The following NEO1 variants were observed in gnomAD, a reference collection of about 807,000 sequenced individuals.
NEO1 encodes the protein neogenin.
In NEO1, 63 loss-of-function variants were observed where a neutral mutation model predicts 159.7. That is an observed-to-expected ratio of 0.39 (90% confidence interval 0.32 to 0.49). The LOEUF is 0.49. Ranked by LOEUF, NEO1 falls within the 20% of genes least tolerant of loss-of-function variation. The pLI, the probability that NEO1 is intolerant of heterozygous loss-of-function variation, is 0.85. For synonymous variants in NEO1, 633 were observed against 662.0 expected (o/e 0.96, Z 0.67); for missense variants, 1,615 against 1,831.0 (o/e 0.88, Z 2.15).
chr15:73,255,833 C>A (rs775873785), intron 13 of NEO1: 1 of 152,058 alleles, frequency 6.6e-6, no homozygotes. Flanking sequence ...TCAATAGAGC[C>A]CATCTGTTTT....
Position 73,301,396 on chromosome 15 carries a change from T to C in NEO1, c.4241T>C (p.Val1414Ala). The change falls in exon 28 of 29, where the codon GTG becomes GCG. Residue 1414 changes from valine (V) to alanine (A), a missense_variant. Physicochemically the swap from Val to Ala is moderately conservative, Grantham distance 64. This residue lies in a region of NEO1 where 471 missense variants were observed against 498.9 expected (regional missense o/e 0.94). Coordinates refer to ENST00000261908, the MANE Select transcript of NEO1 (RefSeq NM_002499.4). Reference sequence around the variant, plus strand: ...GGAAGGAGCCGGCCTCCTATGCCAGTGGTTGTTCCCAGTGCCCCTGAAGTG... The same window carrying C: ...GGAAGGAGCCGGCCTCCTATGCCAGCGGTTGTTCCCAGTGCCCCTGAAGTG... ...TLGRSRPPMP[V>A]VVPSAPEVQE... 3.1e-6 allele frequency: 5 copies of C among 1,614,168 alleles called. No homozygotes were observed. The highest frequency in any genetic ancestry group is 4.2e-6 in the Non-Finnish European group (5 of 1,180,028).
chr15:73,096,265 A>G (rs1276566015), intron 1 of NEO1, among the ~76,000 whole-genome samples: 1 of 152,204 alleles, frequency 6.6e-6, no homozygotes, highest in Non-Finnish European at 1.5e-5. Context: ...AAGTTGAGCA[A>G]ACTTTTCACT....
At chr15:73,133,022 C>G (rs964994714) in intron 4 of NEO1, among the ~76,000 whole-genome samples, 1 of 152,074 alleles carries the variant, frequency 6.6e-6, no homozygotes, top group African/African-American at 2.4e-5. Flanking sequence ...CCAGCAATCC[C>G]GTTCCTGTAT....
chr15:73,257,846 G>T (rs377697083), intron 13 of NEO1, among the ~76,000 whole-genome samples: 1 of 152,120 alleles, frequency 6.6e-6, no homozygotes, highest in Non-Finnish European at 1.5e-5. Context: ...CCAGATTATC[G>T]TCTGTCAACA....
At chr15:73,138,482 C>T (rs767459293) in intron 5 of NEO1, among the ~76,000 whole-genome samples, 8 of 151,028 alleles carry the variant, frequency 5.3e-5, no homozygotes, top group Non-Finnish European at 8.9e-5. Flanking sequence ...GTTGGCCGGG[C>T]GCGGTGGCTC....
At chr15:73,085,252 C>T (rs1484682822) in intron 1 of NEO1, among the ~76,000 whole-genome samples, 1 of 152,062 alleles carries the variant, frequency 6.6e-6, no homozygotes, top group Non-Finnish European at 1.5e-5. Context: ...TTTCACCAAG[C>T]ATAATGCCTT....
At chr15:73,083,956 G>A (rs888617480) in intron 1 of NEO1, among the ~76,000 whole-genome samples, 2 of 151,792 alleles carry the variant, frequency 1.3e-5, no homozygotes, top group Non-Finnish European at 2.9e-5. Context: ...TGCCTGGCCT[G>A]TTTTTCATTT....
At chr15:73,168,536 T>C (rs2034740845) in intron 5 of NEO1, among the ~76,000 whole-genome samples, 1 of 151,748 alleles carries the variant, frequency 6.6e-6, no homozygotes, top group Non-Finnish European at 1.5e-5. Context: ...GATGAGTACC[T>C]GTTAGCTAAA....
chr15:73,177,829 C>T (rs147031898), intron 6 of NEO1, among the ~76,000 whole-genome samples: 3 of 152,310 alleles, frequency 2.0e-5, no homozygotes, highest in African/African-American at 7.2e-5. Context: ...GTGTGAGCCA[C>T]TGCTCCTGGC....
intron 1 of NEO1, among the ~76,000 whole-genome samples, chr15:73,066,525 C>T (rs955543960): frequency 2.0e-5 from 3 of 151,922 alleles, no homozygotes; most frequent in East Asian, 1.9e-4. Flanking sequence ...GAAAAATTAT[C>T]GAGATAATCT....
intron 1 of NEO1, among the ~76,000 whole-genome samples, chr15:73,109,731 T>C (rs1011765802): frequency 6.6e-6 from 1 of 152,160 alleles, no homozygotes; most frequent in African/African-American, 2.4e-5. Context: ...GACATTGACA[T>C]CCAGTGTTTT....
intron 5 of NEO1, among the ~76,000 whole-genome samples, chr15:73,155,123 A>G (rs1464747313): frequency 2.7e-5 from 4 of 150,094 alleles, no homozygotes; most frequent in African/African-American, 9.8e-5. Context: ...GTGGTGATAA[A>G]TTTTCTCAGG....
Position 73,283,050 on chromosome 15 carries a change from A to G in NEO1, c.3349A>G (p.Ile1117Val), listed in dbSNP as rs777622076. 4 of 1,614,066 alleles carry G rather than the reference A, an allele frequency of 2.5e-6. No homozygotes were observed. The highest frequency in any genetic ancestry group is 2.2e-5 in the South Asian group (2 of 91,082). The change falls in exon 23 of 29, where the codon ATC becomes GTC. Residue 1117 changes from isoleucine to valine, a missense_variant. Ile to Val is a conservative substitution (Grantham distance 29). This residue lies in a region of NEO1 where 471 missense variants were observed against 498.9 expected (regional missense o/e 0.94). Coordinates refer to ENST00000261908, the MANE Select transcript of NEO1 (RefSeq NM_002499.4). ...VIIVSVGVIT[I>V]VVVVIIAVFC... is the part of the protein sequence containing the mutation. ...AATTGTTTCTGTTGGCGTCATCACCATCGTGGTGGTTGTGATTATCGCTGT... is the reference window on the plus strand; with the variant it reads ...AATTGTTTCTGTTGGCGTCATCACCGTCGTGGTGGTTGTGATTATCGCTGT...
At chr15:73,091,100 A>G (rs1205415176) in intron 1 of NEO1, among the ~76,000 whole-genome samples, 1 of 152,216 alleles carries the variant, frequency 6.6e-6, no homozygotes, top group Non-Finnish European at 1.5e-5. Context: ...ATCCACTACT[A>G]TTACTACCTC....
chr15:73,159,030 A>G (rs1472630499), intron 5 of NEO1, among the ~76,000 whole-genome samples: 3 of 152,200 alleles, frequency 2.0e-5, no homozygotes, highest in African/African-American at 7.2e-5. Context: ...CAGGAAGCTG[A>G]GGCAGAAGGG....
At chr15:73,231,434 A>G (rs2038905132) in intron 7 of NEO1, among the ~76,000 whole-genome samples, 1 of 152,208 alleles carries the variant, frequency 6.6e-6, no homozygotes, top group Non-Finnish European at 1.5e-5. Flanking sequence ...TCCTCTTGCT[A>G]TAAAAGTAGT....
At chr15:73,238,571 A>T (rs951739543) in intron 8 of NEO1, among the ~76,000 whole-genome samples, 4 of 151,762 alleles carry the variant, frequency 2.6e-5, no homozygotes, top group Non-Finnish European at 4.4e-5. Flanking sequence ...AAATATTTTT[A>T]AAATCTATAA....
intron 7 of NEO1, among the ~76,000 whole-genome samples, chr15:73,189,716 A>G (rs532329974): frequency 6.6e-6 from 1 of 152,356 alleles, no homozygotes; most frequent in Non-Finnish European, 1.5e-5. Flanking sequence ...GGCCTGTGGT[A>G]TACTTAACAT....
intron 5 of NEO1, among the ~76,000 whole-genome samples, chr15:73,154,867 T>G (rs926448851): frequency 6.6e-6 from 1 of 152,194 alleles, no homozygotes; most frequent in Non-Finnish European, 1.5e-5. Context: ...TATGTGAGGT[T>G]TTGATCCTGT....
Sources: gnomAD v4.1 joint callset for allele counts (sites outside exome capture counted in the v4.1 genomes callset) on GRCh38, gnomAD v4.1.1 for gene constraint, gnomAD v4.1.1 regional missense constraint, MANE v1.5 for transcripts, NCBI Gene and HGNC (gene_info 2026-07-23, HGNC 2026-07-21) for gene names.